The following SPTBN1 variants were observed in gnomAD, a reference collection of about 807,000 sequenced individuals.
SPTBN1 encodes the protein spectrin beta chain, non-erythrocytic 1.
SPTBN1 carries 32 observed loss-of-function variants against 266.4 expected under a neutral mutation model. The observed-to-expected ratio is 0.12, with a 90% confidence interval of 0.09 to 0.16. SPTBN1 has a LOEUF of 0.16. Among genes scored for constraint, SPTBN1 ranks in the 10% least tolerant of loss-of-function variants. The probability of loss-of-function intolerance (pLI) is 1.00; values close to 1 mark genes in which losing one functional copy is unlikely to be tolerated. For synonymous variants in SPTBN1, 1,336 were observed against 1,162.2 expected, an observed-to-expected ratio of 1.15 and a Z score of -3.04; for missense variants, 2,296 against 3,067.1, an observed-to-expected ratio of 0.75 and a Z score of 5.94.
At chr2:54,500,898 A>G (rs768470852) in intron 1 of SPTBN1, among the ~76,000 whole-genome samples, 26 of 152,230 alleles carry the variant, frequency 1.7e-4, no homozygotes, top group Admixed American at 7.9e-4. Flanking sequence ...ATTAAATCAC[A>G]GTATCTCCAC....
intron 4 of SPTBN1, among the ~76,000 whole-genome samples, chr2:54,614,197 C>T (rs912639887): frequency 6.6e-6 from 1 of 152,180 alleles, no homozygotes; most frequent in South Asian, 2.1e-4. Context: ...TTTATTAAAA[C>T]ATTACCTATT....
intron 1 of SPTBN1, among the ~76,000 whole-genome samples, chr2:54,511,213 A>G (rs78016398): frequency 1.3e-5 from 2 of 152,294 alleles, no homozygotes; most frequent in South Asian, 4.1e-4. Flanking sequence ...TCATGTTTAG[A>G]TATTCTGGAA....
intron 2 of SPTBN1, among the ~76,000 whole-genome samples, chr2:54,556,783 C>T (rs1672908257): frequency 6.6e-6 from 1 of 152,126 alleles, no homozygotes; most frequent in Non-Finnish European, 1.5e-5. Context: ...AACATTTCCA[C>T]ATCATCTCCT....
At chr2:54,641,515 C>T (rs763732818) in intron 18 of SPTBN1, among the ~76,000 whole-genome samples, 10 of 152,148 alleles carry the variant, frequency 6.6e-5, no homozygotes, top group Non-Finnish European at 5.9e-5. Flanking sequence ...ATAACTGGAA[C>T]ATAGATAATT....
chr2:54,558,118 G>A lies in SPTBN1; in HGVS notation c.148+31552G>A. 1.0e-6 allele frequency: 1 copy of A among 985,388 alleles called. No homozygotes were observed. 61.0% of individuals were successfully genotyped at this position (985,388 alleles called of 1,614,324 possible). A position where few individuals can be genotyped will look rare whatever the true frequency, so the allele number is the denominator to read the frequency against. On this transcript the variant is annotated intron_variant, in intron 2 of 35. Coordinates refer to ENST00000356805, the MANE Select transcript of SPTBN1 (RefSeq NM_003128.3). The surrounding 1 kb of genome is among the most constrained non-coding windows in gnomAD (Gnocchi z 4.6). ...GTTACATGAGGCTCAACAAAAGATT[G>A]TAATTCCAGCAGCTCTGTTTGGGAA...
chr2:54,492,338 G>GGTTTTTTTTTTTTTTTTTTT lies in SPTBN1; in HGVS notation c.-47-34034_-47-34033insGTTTTTTTTTTTTTTTTTTT, dbSNP rs1558775035. Among the ~76,000 whole-genome samples the GGTTTTTTTTTTTTTTTTTTT allele has an allele frequency of 4.2e-5, 5 of 118,110 alleles. 1 individual carries two copies. The highest frequency in any genetic ancestry group is 1.6e-4 in the Admixed American group (2 of 12,276). 77.5% of individuals were successfully genotyped at this position (118,110 alleles called of 152,430 possible). ...TTACTGGACATTTAGTTTGTCTGCA[G>GGTTTTTTTTTTTTTTTTTTT]TTGTTTTTTTGTTTTTTTTTTTTTT... On this transcript the variant is annotated intron_variant, in intron 1 of 35. Coordinates refer to ENST00000356805, the MANE Select transcript of SPTBN1 (RefSeq NM_003128.3).
Position 54,631,325 on chromosome 2 carries a change from C to T in SPTBN1, c.3278C>T (p.Thr1093Ile). 6.2e-7 allele frequency: 1 copy of T among 1,614,270 alleles called. No individual in the cohort carries two copies. The highest frequency in any genetic ancestry group is 1.1e-5 in the South Asian group (1 of 91,092). Residue 1093 changes from threonine (T) to isoleucine (I), a missense_variant, in exon 16 of 36, where the codon ACC becomes ATC. Thr to Ile is a moderately conservative substitution (Grantham distance 89). Transcript: ENST00000356805. The part of the protein sequence containing the change: ...TAIASEDMPN[T>I]LTEAEKLLTQ... ...ATCGCCTCGGAGGACATGCCAAACA[C>T]CCTGACCGAGGCTGAGAAGCTGCTC...
chr2:54,560,899 C>T (rs1673252003), intron 2 of SPTBN1, among the ~76,000 whole-genome samples: 1 of 152,180 alleles, frequency 6.6e-6, no homozygotes, highest in South Asian at 2.1e-4. Flanking sequence ...TTTAAACAAT[C>T]CTAGGAGAAT....
chr2:54,629,558 C>T lies in SPTBN1; in HGVS notation c.2424C>T (p.Ser808=), dbSNP rs372514291. The change falls in exon 14 of 36, where the codon AGC becomes AGT. Residue 808 remains serine, a synonymous_variant. Coordinates refer to ENST00000356805, the MANE Select transcript of SPTBN1 (RefSeq NM_003128.3). ...PTLDTLHEQA[S]ALPQEHAESP... ...TTGACACGCTGCACGAACAAGCCAG[C>T]GCCCTCCCCCAGGAGCATGCCGAGT... 1.9e-6 allele frequency: 3 copies of T among 1,614,116 alleles called. No individual in the cohort carries two copies. The highest frequency in any genetic ancestry group is 1.7e-5 in the Admixed American group (1 of 60,030).
intron 18 of SPTBN1, among the ~76,000 whole-genome samples, chr2:54,640,447 AATACAGTATGCTGGCAT>A: frequency 6.6e-6 from 1 of 152,324 alleles, no homozygotes; most frequent in South Asian, 2.1e-4. Context: ...TTGTACCAGC[AATACAGTATGCTGGCAT>A]ATACAGTATG....
Position 54,664,445 on chromosome 2 carries a change from G to A in SPTBN1, c.6421-8G>A, listed in dbSNP as rs1006209618. 1 of 1,608,402 alleles carries A rather than the reference G, an allele frequency of 6.2e-7. No homozygotes were observed. Among genetic ancestry groups the A allele is most frequent in the Middle Eastern group, 1.7e-4 (1 of 6,044 alleles). On this transcript the variant is annotated splice_polypyrimidine_tract_variant and splice_region_variant and intron_variant, in intron 32 of 35. Transcript: ENST00000356805. The surrounding 1 kb of genome is among the most constrained non-coding windows in gnomAD (Gnocchi z 5.6). ...GAGTTAGCTGAATGGCCTCTCCGCT[G>A]TCCCTAGATGGCAGAAACGGTGGAC...
intron 2 of SPTBN1, among the ~76,000 whole-genome samples, chr2:54,562,550 C>G (rs1673380150): frequency 9.5e-5 from 1 of 10,580 alleles, no homozygotes; most frequent in Non-Finnish European, 1.7e-4. Flanking sequence ...TTTTTTGAGG[C>G]AAGGTCTGCT....
intron 1 of SPTBN1, chr2:54,520,254 T>C (rs1273856601): frequency 6.6e-6 from 1 of 152,198 alleles, no homozygotes; most frequent in Non-Finnish European, 1.5e-5. Context: ...AGGTAAAGTA[T>C]TTTCCCTCTG....
At chr2:54,617,782 A>C in intron 6 of SPTBN1, 94 bp downstream of exon 6, 1 of 1,242,274 alleles carries the variant, frequency 8.0e-7, no homozygotes, top group Non-Finnish European at 1.2e-6. Context: ...CCGTTGGCTT[A>C]ACTGTCTCAC....
chr2:54,500,073 A>G (rs1669170015), intron 1 of SPTBN1, among the ~76,000 whole-genome samples: 1 of 152,150 alleles, frequency 6.6e-6, no homozygotes, highest in Non-Finnish European at 1.5e-5. Context: ...TTTTTCTGTG[A>G]TCTGTAATCT....
chr2:54,558,640 C>T lies in SPTBN1; in HGVS notation c.148+32074C>T. On this transcript the variant is annotated intron_variant, in intron 2 of 35. Coordinates refer to ENST00000356805, the MANE Select transcript of SPTBN1 (RefSeq NM_003128.3). The surrounding 1 kb of genome is among the most constrained non-coding windows in gnomAD (Gnocchi z 4.6). The stretch of plus-strand genomic sequence containing the variant: ...TGCAGCCAACTTCCCATCAGATCAC[C>T]CTGCTGGACTTGCAGACCGGAATGG... 6.7e-7 allele frequency: 1 copy of T among 1,481,592 alleles called. No individual in the cohort carries two copies. Among genetic ancestry groups the T allele is most frequent in the Non-Finnish European group, 9.0e-7 (1 of 1,115,296 alleles). 91.8% of individuals were successfully genotyped at this position (1,481,592 alleles called of 1,614,324 possible). A position where few individuals can be genotyped will look rare whatever the true frequency, so the allele number is the denominator to read the frequency against.
intron 2 of SPTBN1, among the ~76,000 whole-genome samples, chr2:54,576,069 TTTTGA>T (rs1036978434): frequency 9.1e-5 from 10 of 109,796 alleles, no homozygotes; most frequent in Admixed American, 3.5e-4. Flanking sequence ...TTTTTTTTTT[TTTTGA>T]GAGACAGTCT....
chr2:54,513,387 A>T (rs893861013), intron 1 of SPTBN1, among the ~76,000 whole-genome samples: 1 of 152,090 alleles, frequency 6.6e-6, no homozygotes, highest in African/African-American at 2.4e-5. Flanking sequence ...TTTGCAGAGG[A>T]TTTTGGCATT....
At chr2:54,571,085 A>G (rs1674030269) in intron 2 of SPTBN1, among the ~76,000 whole-genome samples, 1 of 152,162 alleles carries the variant, frequency 6.6e-6, no homozygotes, top group Middle Eastern at 3.2e-3. Context: ...ACTGCCAAGC[A>G]GATGAAATCC....
Sources: gnomAD v4.1 joint callset for allele counts (sites outside exome capture counted in the v4.1 genomes callset) on GRCh38, gnomAD v4.1.1 for gene constraint, Gnocchi (gnomAD v3.1) non-coding constraint, MANE v1.5 for transcripts, NCBI Gene and HGNC (gene_info 2026-07-23, HGNC 2026-07-21) for gene names.